The following PACC1 variants were observed in gnomAD, a reference collection of about 807,000 sequenced individuals.
PACC1 encodes proton activated chloride channel 1, also known as proton-activated chloride channel.
In PACC1, 34 loss-of-function variants were observed where a neutral mutation model predicts 39.7. That is an observed-to-expected ratio of 0.86 (90% CI 0.65 to 1.14). The LOEUF (loss-of-function observed/expected upper bound fraction) is 1.14, where lower values mean the gene tolerates loss of function less well. Ranked by LOEUF, PACC1 falls within the 50% of genes most tolerant of loss-of-function variation. PACC1 has a pLI of 0.00. For synonymous variants in PACC1, 127 were observed against 160.6 expected (o/e 0.79, Z 1.58); for missense variants, 379 against 436.4 (o/e 0.87, Z 1.17).
chr1:212,392,951 C>G (rs1453760940), intron 2 of PACC1, among the ~76,000 whole-genome samples: 1 of 151,798 alleles, frequency 6.6e-6, no homozygotes, highest in Non-Finnish European at 1.5e-5. Context: ...CCTTAGTGAC[C>G]TACAAAGAGA....
intron 5 of PACC1, 150 bp from the exon 6 acceptor site, chr1:212,377,856 G>T: frequency 1.2e-6 from 1 of 851,146 alleles, no homozygotes; most frequent in Non-Finnish European, 1.8e-6. Context: ...GCCTCAACAG[G>T]GCTGTCAGTC....
intron 5 of PACC1, among the ~76,000 whole-genome samples, 163 bp downstream of exon 5, chr1:212,379,732 T>C (rs980949595): frequency 2.6e-5 from 4 of 152,182 alleles, no homozygotes; most frequent in African/African-American, 9.7e-5. Context: ...AGATGTTGAG[T>C]GGACCGGCCA....
At chr1:212,400,203 C>T (rs890325655) in intron 2 of PACC1, among the ~76,000 whole-genome samples, 10 of 152,196 alleles carry the variant, frequency 6.6e-5, no homozygotes, top group South Asian at 4.1e-4. Context: ...ATAATAAAGA[C>T]GAACGATGAC....
intron 1 of PACC1, among the ~76,000 whole-genome samples, chr1:212,414,283 G>A (rs940463768): frequency 2.6e-5 from 4 of 152,228 alleles, no homozygotes; most frequent in Non-Finnish European, 5.9e-5. Flanking sequence ...CTTGGAGGGG[G>A]AGGATGCCGA....
chr1:212,402,987 A>T (rs1201763502), intron 2 of PACC1, among the ~76,000 whole-genome samples: 2 of 151,966 alleles, frequency 1.3e-5, no homozygotes, highest in Non-Finnish European at 2.9e-5. Flanking sequence ...TAATCTATGA[A>T]TTTTTTCTTT....
intron 4 of PACC1, 107 bp from the exon 5 acceptor site, chr1:212,380,144 G>T: frequency 8.4e-7 from 1 of 1,192,472 alleles, no homozygotes; most frequent in Non-Finnish European, 1.2e-6. Flanking sequence ...CTTGCCCAGT[G>T]GTCTCCAAAG....
At chr1:212,396,729 G>A (rs1255966051) in intron 2 of PACC1, among the ~76,000 whole-genome samples, 3 of 143,438 alleles carry the variant, frequency 2.1e-5, no homozygotes, top group Non-Finnish European at 3.0e-5. Flanking sequence ...ACCATCCCGA[G>A]GCAAATAATA....
At chr1:212,413,820 TA>T in intron 1 of PACC1, 3 of 1,428,848 alleles carry the variant, frequency 2.1e-6, no homozygotes, top group Non-Finnish European at 2.8e-6. Context: ...TATAAGAGAC[TA>T]AAGGGAGCGA....
intron 5 of PACC1, among the ~76,000 whole-genome samples, chr1:212,379,235 A>T (rs577433507): frequency 1.3e-5 from 2 of 152,010 alleles, no homozygotes; most frequent in African/African-American, 4.8e-5. Flanking sequence ...GAGCCACCAC[A>T]CCTGGCCATG....
intron 1 of PACC1, among the ~76,000 whole-genome samples, chr1:212,412,387 T>C (rs974087498): frequency 6.6e-6 from 1 of 152,206 alleles, no homozygotes; most frequent in African/African-American, 2.4e-5. Context: ...ACAGCCATAA[T>C]GAGCCTGCCT....
At chr1:212,366,943 A>C (rs10779579) in intron 7 of PACC1, among the ~76,000 whole-genome samples, 2 of 152,084 alleles carry the variant, frequency 1.3e-5, no homozygotes, top group African/African-American at 4.8e-5. Flanking sequence ...GCTATGAAAC[A>C]GTTTCCTGTA....
At chr1:212,380,988 C>T (rs1028447482) in intron 4 of PACC1, among the ~76,000 whole-genome samples, 2 of 152,200 alleles carry the variant, frequency 1.3e-5, no homozygotes, top group Non-Finnish European at 2.9e-5. Context: ...AAATGCTCTA[C>T]AGAGATTTGA....
intron 7 of PACC1, among the ~76,000 whole-genome samples, chr1:212,367,704 C>G (rs573153315): frequency 6.6e-6 from 1 of 152,238 alleles, no homozygotes; most frequent in South Asian, 2.1e-4. Flanking sequence ...AACACTCCTG[C>G]TTGGGCAAAG....
At chr1:212,409,722 T>C (rs539914594) in intron 2 of PACC1, among the ~76,000 whole-genome samples, 6 of 152,114 alleles carry the variant, frequency 3.9e-5, no homozygotes, top group Non-Finnish European at 7.3e-5. Flanking sequence ...ACAGGATATA[T>C]AAATTTGCGG....
chr1:212,381,260 T>C (rs1420027863), intron 4 of PACC1, among the ~76,000 whole-genome samples: 2 of 152,244 alleles, frequency 1.3e-5, no homozygotes, highest in Non-Finnish European at 2.9e-5. Context: ...GTCGTCTTAG[T>C]GGAGAGTATG....
chr1:212,410,336 G>A, intron 2 of PACC1, 89 bp downstream of exon 2: 1 of 1,167,158 alleles, frequency 8.6e-7, no homozygotes, highest in Middle Eastern at 2.3e-4. Context: ...TGCAGGGAAG[G>A]GGGCTCCTCC....
intron 2 of PACC1, among the ~76,000 whole-genome samples, chr1:212,408,121 T>G (rs528788599): frequency 6.6e-6 from 1 of 151,304 alleles, no homozygotes; most frequent in Non-Finnish European, 1.5e-5. Flanking sequence ...AGAGAGAGTT[T>G]AGGGTTGGGC....
At chr1:212,384,610 A>G (rs1030017892) in intron 4 of PACC1, among the ~76,000 whole-genome samples, 11 of 152,222 alleles carry the variant, frequency 7.2e-5, no homozygotes, top group Non-Finnish European at 1.0e-4. Flanking sequence ...GCCCCTTTCA[A>G]TGCTTTCTGA....
At chr1:212,398,611 G>A (rs908975878) in intron 2 of PACC1, among the ~76,000 whole-genome samples, 1 of 152,222 alleles carries the variant, frequency 6.6e-6, no homozygotes, top group Non-Finnish European at 1.5e-5. Context: ...AAGCCACCAA[G>A]GTCCACAGCA....
Sources: gnomAD v4.1 joint callset for allele counts (sites outside exome capture counted in the v4.1 genomes callset) on GRCh38, gnomAD v4.1.1 for gene constraint, MANE v1.5 for transcripts, NCBI Gene and HGNC (gene_info 2026-07-23, HGNC 2026-07-21) for gene names.